Variants in MSH4 observed in about 807,000 individuals in gnomAD.
The protein encoded by MSH4 is mutS homolog 4.
In MSH4, 106 loss-of-function variants were observed where a neutral mutation model predicts 113.7. That is an observed-to-expected ratio of 0.93 (90% confidence interval 0.80 to 1.10). The LOEUF is 1.10. Ranked by LOEUF, MSH4 falls within the 50% of genes least tolerant of loss-of-function variation. The pLI, the probability that MSH4 is intolerant of heterozygous loss-of-function variation, is 0.00. For synonymous variants in MSH4, 368 were observed against 380.2 expected (o/e 0.97, Z 0.37); for missense variants, 1,061 against 1,093.7 (o/e 0.97, Z 0.42).
chr1:75,806,957 TTTTC>T lies in MSH4; in HGVS notation c.428-20_428-17del. On this transcript the variant is annotated intron_variant, in intron 2 of 19. Coordinates refer to ENST00000263187, the MANE Select transcript of MSH4 (RefSeq NM_002440.4). ...AATGATTATTATCAATGTTTATATC[TTTTC>T]TTTATTTAAAAATTTACAGCTTCAT... is the stretch of plus-strand genomic sequence containing the variant. The T allele has an allele frequency of 6.5e-7, 1 of 1,535,984 alleles. No individual in the cohort carries two copies. Among genetic ancestry groups the T allele is most frequent in the Non-Finnish European group, 8.7e-7 (1 of 1,150,160 alleles).
intron 19 of MSH4, among the ~76,000 whole-genome samples, chr1:75,906,921 C>T (rs1652671630): frequency 6.6e-6 from 1 of 151,424 alleles, no homozygotes; most frequent in African/African-American, 2.4e-5. Flanking sequence ...GCAAGCTCTG[C>T]CTCCTGGGTT....
intron 19 of MSH4, among the ~76,000 whole-genome samples, chr1:75,907,992 G>A (rs1652705687): frequency 6.7e-6 from 1 of 150,348 alleles, no homozygotes; most frequent in Non-Finnish European, 1.5e-5. Context: ...TTATAGGCAT[G>A]AGCCACTGTG....
chr1:75,804,628 A>G (rs559504112), intron 2 of MSH4, among the ~76,000 whole-genome samples: 3 of 148,916 alleles, frequency 2.0e-5, no homozygotes, highest in East Asian at 4.0e-4. Context: ...CTTCTGCCTC[A>G]GCCTCCTGAG....
At chr1:75,819,398 G>A (rs1650359819) in intron 6 of MSH4, among the ~76,000 whole-genome samples, 1 of 152,172 alleles carries the variant, frequency 6.6e-6, no homozygotes, top group East Asian at 1.9e-4. Flanking sequence ...GCTGAGGCAT[G>A]AGAATCACTT....
At chr1:75,889,411 C>A (rs749812411) in intron 16 of MSH4, 42 bp downstream of exon 16, 10 of 844,816 alleles carry the variant, frequency 1.2e-5, no homozygotes, top group South Asian at 3.3e-5. Context: ...ACATTAAATT[C>A]TCTCACTAAT....
intron 8 of MSH4, among the ~76,000 whole-genome samples, chr1:75,855,091 G>T (rs1201315021): frequency 6.6e-6 from 1 of 151,768 alleles, no homozygotes; most frequent in Non-Finnish European, 1.5e-5. Flanking sequence ...AAGCTGGAGT[G>T]CAGTGGTGTG....
intron 19 of MSH4, among the ~76,000 whole-genome samples, chr1:75,903,801 G>A (rs1207882001): frequency 1.3e-5 from 2 of 151,926 alleles, no homozygotes; most frequent in South Asian, 2.1e-4. Flanking sequence ...AGTATAATAT[G>A]TCATCTGTAA....
intron 15 of MSH4, among the ~76,000 whole-genome samples, chr1:75,884,990 T>C (rs1288346538): frequency 2.7e-5 from 4 of 147,564 alleles, no homozygotes; most frequent in African/African-American, 1.0e-4. Flanking sequence ...TATATATATG[T>C]GTATATATAT....
chr1:75,810,865 T>C, intron 4 of MSH4, 58 bp downstream of exon 4: 1 of 765,024 alleles, frequency 1.3e-6, no homozygotes, highest in South Asian at 2.2e-5. Flanking sequence ...TATTTATTTG[T>C]TATTTATTAT....
chr1:75,899,902 G>T (rs559719337), intron 19 of MSH4, among the ~76,000 whole-genome samples, 196 bp downstream of exon 19: 5 of 150,840 alleles, frequency 3.3e-5, no homozygotes, highest in Non-Finnish European at 7.4e-5. Flanking sequence ...TATAATCCTC[G>T]CAGCAAATCA....
At chr1:75,911,600 C>T (rs958698127) in intron 19 of MSH4, among the ~76,000 whole-genome samples, 2 of 151,970 alleles carry the variant, frequency 1.3e-5, no homozygotes, top group African/African-American at 4.8e-5. Context: ...TCCTTGAGTT[C>T]TGTTATCATG....
chr1:75,873,148 A>G (rs1651749672), intron 9 of MSH4, among the ~76,000 whole-genome samples: 1 of 152,020 alleles, frequency 6.6e-6, no homozygotes, highest in Non-Finnish European at 1.5e-5. Flanking sequence ...CACCAGGGAC[A>G]TTTTTTTTCC....
chr1:75,832,536 A>G (rs1219748407), intron 7 of MSH4, among the ~76,000 whole-genome samples: 1 of 152,196 alleles, frequency 6.6e-6, no homozygotes, highest in East Asian at 1.9e-4. Context: ...AAAATCCTCA[A>G]TAAAGTACTG....
intron 7 of MSH4, among the ~76,000 whole-genome samples, chr1:75,845,057 C>T (rs145075477): frequency 1.5e-3 from 221 of 152,318 alleles, no homozygotes; most frequent in African/African-American, 5.2e-3. Context: ...GTGATAATGG[C>T]ATTAATCCAT....
At chr1:75,877,525 C>A (rs1257293742) in intron 10 of MSH4, among the ~76,000 whole-genome samples, 1 of 152,106 alleles carries the variant, frequency 6.6e-6, no homozygotes, top group African/African-American at 2.4e-5. Flanking sequence ...GAAGATTTAT[C>A]CCGTGTGAGG....
intron 8 of MSH4, among the ~76,000 whole-genome samples, chr1:75,861,960 T>C (rs1375203537): frequency 2.0e-5 from 3 of 152,254 alleles, no homozygotes; most frequent in Admixed American, 6.5e-5. Context: ...GTTTACACTG[T>C]GTGTATAGAA....
chr1:75,865,742 C>T (rs572705578), intron 8 of MSH4, among the ~76,000 whole-genome samples: 1 of 152,136 alleles, frequency 6.6e-6, no homozygotes, highest in Non-Finnish European at 1.5e-5. Flanking sequence ...TCATCAATTA[C>T]AAAATCTATA....
chr1:75,886,614 TAATATATAA>T (rs1652123513), intron 15 of MSH4, among the ~76,000 whole-genome samples: 1 of 118,184 alleles, frequency 8.5e-6, no homozygotes, highest in African/African-American at 3.3e-5. Context: ...ATATAATGTA[TAATATATAA>T]ATATATAAAT....
intron 15 of MSH4, among the ~76,000 whole-genome samples, chr1:75,885,787 T>C (rs1306045649): frequency 8.5e-6 from 1 of 118,334 alleles, no homozygotes; most frequent in Admixed American, 1.1e-4. Flanking sequence ...TTATATAGTA[T>C]ATATACTATA....
Sources: gnomAD v4.1 joint callset for allele counts (sites outside exome capture counted in the v4.1 genomes callset) on GRCh38, gnomAD v4.1.1 for gene constraint, MANE v1.5 for transcripts, NCBI Gene and HGNC (gene_info 2026-07-23, HGNC 2026-07-21) for gene names.